Variants in PRMT8 observed in about 807,000 individuals in gnomAD.
The protein encoded by PRMT8 is protein arginine methyltransferase 8.
A neutral mutation model predicts 47.1 loss-of-function variants in PRMT8; 7 were observed. The ratio of observed to expected loss-of-function variants is 0.15; its 90% confidence interval spans 0.08 to 0.28. PRMT8 has a LOEUF of 0.28. Among genes scored for constraint, PRMT8 ranks in the 10% least tolerant of loss-of-function variants. The probability of loss-of-function intolerance (pLI) is 1.00; values close to 1 mark genes in which losing one functional copy is unlikely to be tolerated. For synonymous variants in PRMT8, 188 were observed against 186.5 expected (o/e 1.01, Z -0.07); for missense variants, 237 against 505.4 (o/e 0.47, Z 5.09).
At chr12:3,558,165 T>C (rs1290724240) in intron 4 of PRMT8, among the ~76,000 whole-genome samples, 1 of 152,008 alleles carries the variant, frequency 6.6e-6, no homozygotes, top group African/African-American at 2.4e-5. Flanking sequence ...TCTGTCCTGC[T>C]TGCCAGGAAA....
intron 1 of PRMT8, among the ~76,000 whole-genome samples, chr12:3,420,188 C>T (rs1056730220): frequency 1.3e-5 from 2 of 151,982 alleles, no homozygotes; most frequent in African/African-American, 4.8e-5. Flanking sequence ...CAATGCAAGG[C>T]GGCAGACTCA....
chr12:3,394,379 C>T (rs913552364), intron 1 of PRMT8, among the ~76,000 whole-genome samples: 67 of 152,056 alleles, frequency 4.4e-4, no homozygotes, highest in African/African-American at 1.3e-3. Flanking sequence ...TTTTGAAATA[C>T]GTCCCATCAA....
rs866446269 is a variant in PRMT8, at chr12:3,514,499, G to A, written c.75+22799G>A. Among the ~76,000 whole-genome samples the A allele has an allele frequency of 7.9e-5, 12 of 152,150 alleles. No homozygotes were observed. The highest frequency in any genetic ancestry group is 1.8e-4 in the Non-Finnish European group (12 of 68,030). ...CTTCCACTGAAGATGTCCAATATAA[G>A]CGGGTCAGGGTCACCCTGCCTCCAA... On this transcript the variant is annotated intron_variant, in intron 1 of 9. Transcript: ENST00000382622. This position sits in a 1 kb window ranked among gnomAD's most constrained non-coding sequence, Gnocchi z 5.9.
chr12:3,554,464 C>G (rs1175376277), intron 4 of PRMT8, among the ~76,000 whole-genome samples: 1 of 152,224 alleles, frequency 6.6e-6, no homozygotes, highest in African/African-American at 2.4e-5. Context: ...GCATCCTGTC[C>G]TACTGCGCCG....
chr12:3,439,417 G>A (rs1208450075), intron 1 of PRMT8, among the ~76,000 whole-genome samples: 3 of 152,118 alleles, frequency 2.0e-5, no homozygotes, highest in Admixed American at 6.5e-5. Flanking sequence ...CTTGAGAGAT[G>A]TCACTGAGAC....
At position 3,569,345 on chromosome 12, in the gene PRMT8, A is replaced by G. The variant is rs1433241187; in HGVS notation, c.625-132A>G. On this transcript the variant is annotated intron_variant, in intron 5 of 9. Coordinates refer to ENST00000382622, the MANE Select transcript of PRMT8 (RefSeq NM_019854.5). This position sits in a 1 kb window ranked among gnomAD's most constrained non-coding sequence, Gnocchi z 8.2. ...GCTGTCCTAGCCCTCACCCCAGACA[A>G]GGTGACAGTCCACTGCATGAGAGAT... The G allele has an allele frequency of 2.9e-5, 23 of 789,354 alleles. No individual in the cohort carries two copies. The East Asian group carries it at 3.5e-4, about 12-fold the overall frequency. The allele number at this position is 789,354 out of a possible 1,614,324, so 48.9% of individuals were successfully genotyped here. A position where few individuals can be genotyped will look rare whatever the true frequency, so the allele number is the denominator to read the frequency against.
At chr12:3,499,150 C>G (rs571385196) in intron 1 of PRMT8, among the ~76,000 whole-genome samples, 2 of 146,212 alleles carry the variant, frequency 1.4e-5, no homozygotes, top group East Asian at 4.0e-4. Context: ...CTGCAAAGAC[C>G]CTATTTTTAT....
At chr12:3,485,153 G>A (rs563793741) in intron 1 of PRMT8, among the ~76,000 whole-genome samples, 1 of 152,298 alleles carries the variant, frequency 6.6e-6, no homozygotes, top group African/African-American at 2.4e-5. Context: ...ATGCTCTGTT[G>A]CCCAGCAATT....
chr12:3,552,531 A>G lies in PRMT8; in HGVS notation c.418-1120A>G, dbSNP rs996674039. ...CGCCTCTTGCAGATCAGATGATGAC[A>G]TGGCCAGAGGGGGAGAAGAAGAGGA... On this transcript the variant is annotated intron_variant, in intron 3 of 9. Coordinates refer to ENST00000382622, the MANE Select transcript of PRMT8 (RefSeq NM_019854.5). This position sits in a 1 kb window ranked among gnomAD's most constrained non-coding sequence, Gnocchi z 4.5. 1 of 322,990 alleles carries G rather than the reference A, an allele frequency of 3.1e-6. No individual in the cohort carries two copies. Among genetic ancestry groups the G allele is most frequent in the Non-Finnish European group, 6.2e-6 (1 of 160,260 alleles). The allele number at this position is 322,990 out of a possible 1,614,324, so 20.0% of individuals were successfully genotyped here. A position where few individuals can be genotyped will look rare whatever the true frequency, so the allele number is the denominator to read the frequency against.
intron 8 of PRMT8, among the ~76,000 whole-genome samples, chr12:3,590,449 G>T (rs1269359013): frequency 6.6e-6 from 1 of 152,140 alleles, no homozygotes; most frequent in Non-Finnish European, 1.5e-5. Context: ...TCATATGATT[G>T]TGGGACAGCT....
chr12:3,576,737 C>A lies in PRMT8; in HGVS notation c.713-134C>A. 1.4e-6 allele frequency: 1 copy of A among 694,570 alleles called. No individual in the cohort carries two copies. The highest frequency in any genetic ancestry group is 2.5e-5 in the East Asian group (1 of 40,212). The allele number at this position is 694,570 out of a possible 1,614,324, so 43.0% of individuals were successfully genotyped here. On this transcript the variant is annotated intron_variant, in intron 6 of 9. Coordinates refer to ENST00000382622, the MANE Select transcript of PRMT8 (RefSeq NM_019854.5). The surrounding 1 kb of genome is among the most constrained non-coding windows in gnomAD (Gnocchi z 4.0). ...GCAAAGTGCCCCCAGGTGAGCAGTT[C>A]TGCCTCTATTTCGATGCAAGGGAAC...
intron 1 of PRMT8, among the ~76,000 whole-genome samples, chr12:3,405,223 A>G (rs1289410883): frequency 6.6e-6 from 1 of 152,180 alleles, no homozygotes; most frequent in Non-Finnish European, 1.5e-5. Context: ...TTATAAAACC[A>G]TCAGATCTTG....
At chr12:3,481,602 G>A (rs1865274387) in intron 1 of PRMT8, among the ~76,000 whole-genome samples, 1 of 152,136 alleles carries the variant, frequency 6.6e-6, no homozygotes, top group Non-Finnish European at 1.5e-5. Flanking sequence ...CTGTTAATGT[G>A]AGCAACAGCA....
chr12:3,505,383 C>G (rs935811413), intron 1 of PRMT8, among the ~76,000 whole-genome samples: 5 of 152,188 alleles, frequency 3.3e-5, no homozygotes, highest in African/African-American at 1.2e-4. Context: ...AGAATAGTTG[C>G]AAGTCCGAGA....
At chr12:3,541,479 T>G (rs182617999) in intron 2 of PRMT8, among the ~76,000 whole-genome samples, 1 of 152,180 alleles carries the variant, frequency 6.6e-6, no homozygotes, top group South Asian at 2.1e-4. Context: ...ACAAGTAGGA[T>G]TTACTGAGTG....
At chr12:3,414,352 A>C (rs1334017591) in intron 1 of PRMT8, among the ~76,000 whole-genome samples, 3 of 152,160 alleles carry the variant, frequency 2.0e-5, no homozygotes, top group African/African-American at 7.2e-5. Flanking sequence ...CATCCTCCAG[A>C]AGGGACACCT....
At chr12:3,385,285 G>A (rs897909789) in intron 1 of PRMT8, among the ~76,000 whole-genome samples, 2 of 152,142 alleles carry the variant, frequency 1.3e-5, no homozygotes, top group African/African-American at 4.8e-5. Flanking sequence ...AGTTGCCCAA[G>A]GTCTGATTCC....
At position 3,569,681 on chromosome 12, in the gene PRMT8, G is replaced by A; in HGVS notation, c.712+117G>A. 1 of 825,028 alleles carries A rather than the reference G, an allele frequency of 1.2e-6. No homozygotes were observed. Among genetic ancestry groups the A allele is most frequent in the Non-Finnish European group, 2.1e-6 (1 of 477,102 alleles). 51.1% of individuals were successfully genotyped at this position (825,028 alleles called of 1,614,324 possible). On this transcript the variant is annotated intron_variant, in intron 6 of 9. Coordinates refer to ENST00000382622, the MANE Select transcript of PRMT8 (RefSeq NM_019854.5). The surrounding 1 kb of genome is among the most constrained non-coding windows in gnomAD (Gnocchi z 8.2). Reference sequence around the variant, plus strand: ...GAACACCATTGCTGTCCCTGAAGAGGAGCTTATCTGGGACCCTTTCTGGAG... The same window carrying A: ...GAACACCATTGCTGTCCCTGAAGAGAAGCTTATCTGGGACCCTTTCTGGAG...
intron 7 of PRMT8, among the ~76,000 whole-genome samples, chr12:3,578,307 C>A (rs1451207235): frequency 1.3e-5 from 2 of 152,126 alleles, no homozygotes; most frequent in Non-Finnish European, 2.9e-5. Flanking sequence ...TAGCTCACTG[C>A]AGCCTCACTG....
Sources: gnomAD v4.1 joint callset for allele counts (sites outside exome capture counted in the v4.1 genomes callset) on GRCh38, gnomAD v4.1.1 for gene constraint, Gnocchi (gnomAD v3.1) non-coding constraint, MANE v1.5 for transcripts, NCBI Gene and HGNC (gene_info 2026-07-23, HGNC 2026-07-21) for gene names.